PALM2AKAP2: variants seen among roughly 807,000 people sequenced by gnomAD.
The protein encoded by PALM2AKAP2 is PALM2 and AKAP2 fusion.
PALM2AKAP2 carries 37 observed loss-of-function variants against 71.5 expected under a neutral mutation model. The ratio of observed to expected loss-of-function variants is 0.52; its 90% CI spans 0.40 to 0.68. PALM2AKAP2 has a LOEUF of 0.68. Among genes scored for constraint, PALM2AKAP2 ranks in the 30% least tolerant of loss-of-function variants. The pLI is 0.00. For synonymous variants in PALM2AKAP2, 468 were observed against 478.8 expected (o/e 0.98, Z 0.29); for missense variants, 1,224 against 1,191.8 (o/e 1.03, Z -0.40).
intron 1 of PALM2AKAP2, among the ~76,000 whole-genome samples, chr9:109,782,181 G>C (rs1283251442): frequency 1.3e-5 from 2 of 152,186 alleles, no homozygotes; most frequent in African/African-American, 4.8e-5. Flanking sequence ...AAGTGCGGTT[G>C]AGTAATCCCA....
At chr9:109,873,515 C>T (rs558839564) in intron 2 of PALM2AKAP2, among the ~76,000 whole-genome samples, 1 of 150,716 alleles carries the variant, frequency 6.6e-6, no homozygotes, top group South Asian at 2.1e-4. Context: ...AGCCATATTC[C>T]AACCATCATC....
At chr9:109,867,662 G>T in intron 2 of PALM2AKAP2, 91 bp downstream of exon 2, 1 of 1,423,260 alleles carries the variant, frequency 7.0e-7, no homozygotes, top group Non-Finnish European at 9.3e-7. Flanking sequence ...CCGTGAAGGC[G>T]CTGCCGCCAA....
At chr9:110,122,595 C>T (rs1209594287) in intron 1 of PALM2AKAP2, among the ~76,000 whole-genome samples, 1 of 152,174 alleles carries the variant, frequency 6.6e-6, no homozygotes, top group Non-Finnish European at 1.5e-5. Flanking sequence ...GGGTATGTGG[C>T]ACAGACAAGG....
intron 1 of PALM2AKAP2, among the ~76,000 whole-genome samples, chr9:109,784,961 A>G (rs1391302081): frequency 2.0e-5 from 3 of 152,222 alleles, no homozygotes; most frequent in African/African-American, 7.2e-5. Flanking sequence ...CATAAAATTT[A>G]ATGGAACGAG....
intron 3 of PALM2AKAP2, among the ~76,000 whole-genome samples, chr9:110,160,332 C>T (rs983495693): frequency 6.6e-6 from 1 of 152,166 alleles, no homozygotes; most frequent in East Asian, 1.9e-4. Context: ...TGGAAATGTT[C>T]TCTTATGTGG....
At chr9:109,750,285 C>T (rs1828866204) in intron 1 of PALM2AKAP2, among the ~76,000 whole-genome samples, 1 of 152,222 alleles carries the variant, frequency 6.6e-6, no homozygotes, top group East Asian at 1.9e-4. Flanking sequence ...ATGGTGGGGG[C>T]ACATGGCCAA....
chr9:110,101,467 G>C (rs1456810753), intron 1 of PALM2AKAP2, among the ~76,000 whole-genome samples: 2 of 152,102 alleles, frequency 1.3e-5, no homozygotes, highest in Non-Finnish European at 2.9e-5. Flanking sequence ...ATATCAGTAA[G>C]TCTCCATGGA....
intron 3 of PALM2AKAP2, among the ~76,000 whole-genome samples, chr9:109,906,274 C>T (rs1241434632): frequency 6.6e-6 from 1 of 152,224 alleles, no homozygotes; most frequent in Admixed American, 6.5e-5. Context: ...TCTCGGCTCA[C>T]TGCAACCTCC....
chr9:109,990,067 C>CTTTTTT (rs35739397), intron 6 of PALM2AKAP2, among the ~76,000 whole-genome samples: 12 of 134,114 alleles, frequency 8.9e-5, no homozygotes, highest in Non-Finnish European at 1.1e-4. Flanking sequence ...TTCTTTCTTT[C>CTTTTTT]TTTTTTTTTT....
At chr9:109,728,169 A>G (rs1214744859) in intron 1 of PALM2AKAP2, among the ~76,000 whole-genome samples, 4 of 152,216 alleles carry the variant, frequency 2.6e-5, no homozygotes, top group African/African-American at 9.7e-5. Context: ...TCTTTTTAGA[A>G]CTTTCTATCA....
intron 6 of PALM2AKAP2, among the ~76,000 whole-genome samples, chr9:109,967,922 G>C (rs1831988307): frequency 6.6e-6 from 1 of 152,202 alleles, no homozygotes; most frequent in African/African-American, 2.4e-5. Context: ...TGGTGTGTGA[G>C]TATCTGAGTA....
At chr9:109,885,973 C>G (rs779335025) in intron 3 of PALM2AKAP2, among the ~76,000 whole-genome samples, 87 of 152,318 alleles carry the variant, frequency 5.7e-4, no homozygotes, top group Non-Finnish European at 7.8e-4. Context: ...ACCCGGCTGC[C>G]ACAGTGGAGA....
chr9:110,155,301 C>T (rs1451760882), intron 2 of PALM2AKAP2, among the ~76,000 whole-genome samples: 5 of 152,216 alleles, frequency 3.3e-5, no homozygotes, highest in Non-Finnish European at 7.3e-5. Flanking sequence ...GTGTTTTATC[C>T]ACATTCCTTG....
intron 1 of PALM2AKAP2, among the ~76,000 whole-genome samples, chr9:109,805,038 A>G (rs943723636): frequency 6.6e-6 from 1 of 152,214 alleles, no homozygotes; most frequent in Admixed American, 6.5e-5. Context: ...AACTCTTCAT[A>G]AACATAATTT....
intron 6 of PALM2AKAP2, among the ~76,000 whole-genome samples, chr9:110,001,989 A>T (rs891820148): frequency 8.5e-5 from 13 of 152,204 alleles, no homozygotes; most frequent in African/African-American, 2.9e-4. Flanking sequence ...CTCTTTTCCT[A>T]ATTGAATACC....
intron 1 of PALM2AKAP2, among the ~76,000 whole-genome samples, chr9:110,094,663 C>T (rs1382242090): frequency 7.7e-5 from 2 of 25,852 alleles, no homozygotes; most frequent in East Asian, 1.9e-3. Context: ...AATAGCACCA[C>T]GGGGCGGGGG....
chr9:109,781,814 T>C (rs1392191032), intron 1 of PALM2AKAP2, among the ~76,000 whole-genome samples: 1 of 152,252 alleles, frequency 6.6e-6, no homozygotes, highest in Non-Finnish European at 1.5e-5. Context: ...TTTTTTCTTC[T>C]TTCTCTTTCC....
chr9:110,023,301 G>GTTTGTTTTTT (rs1292412365), intron 7 of PALM2AKAP2, among the ~76,000 whole-genome samples: 1 of 101,430 alleles, frequency 9.9e-6, no homozygotes, highest in East Asian at 3.5e-4. Context: ...TCTCATTGTG[G>GTTTGTTTTTT]TTTCTTTTTT....
exon 2 of PALM2AKAP2, chr9:110,137,394 C>T: frequency 6.2e-7 from 1 of 1,614,164 alleles, no homozygotes; most frequent in Non-Finnish European, 8.5e-7. Flanking sequence ...AGTGGTGCCT[C>T]AGCCGCCAAG....
Sources: allele counts gnomAD v4.1 joint callset (sites outside exome capture counted in the v4.1 genomes callset), GRCh38; gene constraint gnomAD v4.1.1; transcripts MANE v1.5; gene names NCBI Gene and HGNC (gene_info 2026-07-23, HGNC 2026-07-21).